CUX1: variants seen among roughly 807,000 people sequenced by gnomAD.
The protein encoded by CUX1 is protein CASP.
Under a neutral mutation model 158.8 loss-of-function variants are expected in CUX1, and 31 were observed. The ratio of observed to expected loss-of-function variants is 0.20; its 90% CI spans 0.15 to 0.26. CUX1 has a LOEUF of 0.26. Ranked by LOEUF, CUX1 falls within the 10% of genes least tolerant of loss-of-function variation. The probability of loss-of-function intolerance (pLI) is 1.00; values close to 1 mark genes in which losing one functional copy is unlikely to be tolerated. For missense variants in CUX1, 1,589 were observed against 2,014.6 expected (o/e 0.79, Z 4.04); for synonymous variants, 879 against 862.1 (o/e 1.02, Z -0.34).
intron 3 of CUX1, among the ~76,000 whole-genome samples, chr7:102,053,865 T>C (rs1193523602): frequency 6.7e-6 from 1 of 149,938 alleles, no homozygotes; most frequent in East Asian, 2.0e-4. Context: ...GGCTGCAGTG[T>C]CACGATCTCG....
chr7:101,965,104 C>T (rs953106986), intron 2 of CUX1, among the ~76,000 whole-genome samples: 2 of 152,208 alleles, frequency 1.3e-5, no homozygotes, highest in African/African-American at 4.8e-5. Flanking sequence ...CCGTGCCTTG[C>T]CCCTGAGCCT....
rs576729926 is a variant in CUX1, at chr7:102,264,099, A to G, written c.1256-9267A>G. ...CAGCTCACTGCAACCTCCGCCTCCCAGGTTCAAGTGATTCTCCTGCCTCAG... is the reference window on the plus strand; with the variant it reads ...CAGCTCACTGCAACCTCCGCCTCCCGGGTTCAAGTGATTCTCCTGCCTCAG... On this transcript the variant is annotated intron_variant, in intron 14 of 22. Coordinates refer to the CUX1 transcript ENST00000292538. 7.8e-3 allele frequency among the ~76,000 whole-genome samples: 1,046 copies of G among 134,406 alleles called. 13 individuals are homozygous for G. Among genetic ancestry groups the G allele is most frequent in the African/African-American group, 0.028 (978 of 35,274 alleles). 88.2% of individuals were successfully genotyped at this position (134,406 alleles called of 152,430 possible). A position where few individuals can be genotyped will look rare whatever the true frequency, so the allele number is the denominator to read the frequency against.
chr7:102,066,179 C>T (rs1825525593), intron 3 of CUX1, among the ~76,000 whole-genome samples: 1 of 152,142 alleles, frequency 6.6e-6, no homozygotes, highest in African/African-American at 2.4e-5. Flanking sequence ...GTCCCAGCTT[C>T]TGGTGGTTTC....
intron 2 of CUX1, among the ~76,000 whole-genome samples, chr7:101,951,690 G>A (rs968554551): frequency 6.6e-6 from 1 of 152,002 alleles, no homozygotes; most frequent in African/African-American, 2.4e-5. Flanking sequence ...TTTATTTTTA[G>A]TAGAGACAGG....
chr7:102,273,056 G>A (rs558019546), intron 14 of CUX1, among the ~76,000 whole-genome samples: 2 of 152,352 alleles, frequency 1.3e-5, no homozygotes, highest in African/African-American at 4.8e-5. Context: ...AACAGCCGTG[G>A]GCAGAGCCAC....
At chr7:101,858,439 C>T (rs932681402) in intron 1 of CUX1, among the ~76,000 whole-genome samples, 1 of 152,128 alleles carries the variant, frequency 6.6e-6, no homozygotes, top group Admixed American at 6.6e-5. Context: ...CCCGCCTTCC[C>T]TGACTTTTTC....
chr7:102,202,224 G>T lies in CUX1; in HGVS notation c.2907+20G>T. On this transcript the variant is annotated intron_variant, in intron 18 of 23. Transcript: ENST00000292535. ...GAGAAGGTAAGGGATCTGCTCTGGG[G>T]GCTTTGGTTCTCCCATCTCTTCTCC... is the stretch of plus-strand genomic sequence containing the variant. The T allele has an allele frequency of 6.4e-7, 1 of 1,568,484 alleles. No individual in the cohort carries two copies. Among genetic ancestry groups the T allele is most frequent in the South Asian group, 1.2e-5 (1 of 83,856 alleles).
At chr7:102,092,365 G>A (rs1485788026) in intron 4 of CUX1, among the ~76,000 whole-genome samples, 12 of 152,138 alleles carry the variant, frequency 7.9e-5, no homozygotes, top group African/African-American at 2.2e-4. Context: ...GAATCCTTGC[G>A]CTGCCTGGCA....
At chr7:102,238,974 C>T (rs1338608085) in intron 22 of CUX1, among the ~76,000 whole-genome samples, 1 of 152,218 alleles carries the variant, frequency 6.6e-6, no homozygotes, top group Non-Finnish European at 1.5e-5. Flanking sequence ...ACTGCAACCT[C>T]CACCTCCCAG....
intron 14 of CUX1, 139 bp downstream of exon 14, chr7:102,195,742 G>C (rs568219418): frequency 1.4e-6 from 1 of 724,720 alleles, no homozygotes; most frequent in Non-Finnish European, 2.2e-6. Context: ...TGACTAACGC[G>C]TGTTGGGTGC....
intron 19 of CUX1, chr7:102,280,680 C>A (rs1791995584): frequency 1.1e-6 from 1 of 916,618 alleles, no homozygotes; most frequent in Non-Finnish European, 1.7e-6. Flanking sequence ...CCCTGGCAGC[C>A]CCCTGGGGGT....
At chr7:102,145,968 T>C (rs1834983840) in intron 8 of CUX1, among the ~76,000 whole-genome samples, 1 of 152,030 alleles carries the variant, frequency 6.6e-6, no homozygotes, top group African/African-American at 2.4e-5. Context: ...AATAAAAATT[T>C]TTACAAAATA....
rs1646098263 is a variant in CUX1 at position 101,869,301 on chromosome 7, G to A, written c.31-46814G>A. 6.6e-6 allele frequency among the ~76,000 whole-genome samples: 1 copy of A among 152,188 alleles called. No homozygotes were observed. The highest frequency in any genetic ancestry group is 1.5e-5 in the Non-Finnish European group (1 of 68,034). On this transcript the variant is annotated intron_variant, in intron 1 of 23. Coordinates refer to ENST00000292535, the MANE Select transcript of CUX1 (RefSeq NM_181552.4). This position sits in a 1 kb window ranked among gnomAD's most constrained non-coding sequence, Gnocchi z 4.5. Reference sequence around the variant, plus strand: ...ACGCGGTGCCTTTCAGACCCCTTGAGTAAGAGACAGAGTGGGTCTGTCCTG... The same window carrying A: ...ACGCGGTGCCTTTCAGACCCCTTGAATAAGAGACAGAGTGGGTCTGTCCTG...
chr7:101,956,395 C>G (rs1809791249), intron 2 of CUX1, among the ~76,000 whole-genome samples: 1 of 151,914 alleles, frequency 6.6e-6, no homozygotes, highest in African/African-American at 2.4e-5. Context: ...CATGTGACAC[C>G]AGATACACCA....
chr7:102,264,700 G>C (rs1469951610), intron 14 of CUX1: 1 of 152,324 alleles, frequency 6.6e-6, no homozygotes, highest in African/African-American at 2.4e-5. Flanking sequence ...GCCACAACTG[G>C]GGCTGCGTTT....
chr7:101,857,203 C>G (rs1420419137), intron 1 of CUX1, among the ~76,000 whole-genome samples: 2 of 152,236 alleles, frequency 1.3e-5, no homozygotes, highest in Non-Finnish European at 2.9e-5. Flanking sequence ...CTCTGCTTAT[C>G]TGATTGGGGG....
intron 8 of CUX1, among the ~76,000 whole-genome samples, chr7:102,130,218 T>C (rs1234404861): frequency 6.6e-6 from 1 of 152,158 alleles, no homozygotes; most frequent in East Asian, 1.9e-4. Context: ...CCGAGCTTTA[T>C]GGCATCACTC....
intron 1 of CUX1, among the ~76,000 whole-genome samples, chr7:101,826,616 C>G (rs184038675): frequency 2.0e-5 from 3 of 152,168 alleles, no homozygotes; most frequent in Non-Finnish European, 2.9e-5. Context: ...ACTGGCAGGA[C>G]GAGGCTGGGA....
intron 2 of CUX1, among the ~76,000 whole-genome samples, chr7:101,999,566 A>G (rs1386772532): frequency 2.0e-5 from 3 of 152,030 alleles, no homozygotes; most frequent in Non-Finnish European, 4.4e-5. Flanking sequence ...TCCTCGAAGC[A>G]CCCCACGATT....
Sources: gnomAD v4.1 joint callset for allele counts (sites outside exome capture counted in the v4.1 genomes callset) on GRCh38, gnomAD v4.1.1 for gene constraint, Gnocchi (gnomAD v3.1) non-coding constraint, MANE v1.5 for transcripts, NCBI Gene and HGNC (gene_info 2026-07-23, HGNC 2026-07-21) for gene names.